The following SIK3 variants were observed in gnomAD, a reference collection of about 807,000 sequenced individuals.
The protein encoded by SIK3 is SIK family kinase 3, also known as serine/threonine-protein kinase SIK3.
SIK3 carries 28 observed loss-of-function variants against 144.2 expected under a neutral mutation model. The observed-to-expected ratio is 0.19, with a 90% confidence interval of 0.14 to 0.27. SIK3 has a LOEUF of 0.27. Ranked by LOEUF, SIK3 falls within the 10% of genes least tolerant of loss-of-function variation. The probability of loss-of-function intolerance (pLI) is 1.00; values close to 1 mark genes in which losing one functional copy is unlikely to be tolerated. For missense variants in SIK3, 1,319 were observed against 1,776.0 expected (o/e 0.74, Z 4.62); for synonymous variants, 686 against 676.3 (o/e 1.01, Z -0.22).
intron 13 of SIK3, among the ~76,000 whole-genome samples, chr11:116,870,698 G>A (rs1943923672): frequency 6.6e-6 from 1 of 152,120 alleles, no homozygotes; most frequent in Non-Finnish European, 1.5e-5. Flanking sequence ...CATAGACCTT[G>A]CCCTCATTTT....
intron 3 of SIK3, among the ~76,000 whole-genome samples, chr11:116,940,015 G>A (rs1434380934): frequency 1.3e-5 from 2 of 152,130 alleles, no homozygotes; most frequent in South Asian, 4.1e-4. Flanking sequence ...TTACATGATA[G>A]TAAGGAATTA....
chr11:116,960,477 C>T (rs1342847468), intron 1 of SIK3, among the ~76,000 whole-genome samples: 5 of 152,096 alleles, frequency 3.3e-5, no homozygotes, highest in African/African-American at 9.7e-5. Context: ...GCCGTGATCA[C>T]GCCACTGCAT....
intron 1 of SIK3, among the ~76,000 whole-genome samples, chr11:117,005,179 AC>A (rs993613386): frequency 6.6e-6 from 1 of 151,924 alleles, no homozygotes; most frequent in Non-Finnish European, 1.5e-5. Context: ...ATGGTGGCTC[AC>A]ACCTGTAATC....
chr11:116,886,868 C>T (rs1445810161), intron 6 of SIK3, among the ~76,000 whole-genome samples: 15 of 152,154 alleles, frequency 9.9e-5, no homozygotes, highest in Non-Finnish European at 2.2e-4. Flanking sequence ...CCAGGTTTCA[C>T]CTTCCACAAC....
At chr11:116,890,598 T>C (rs374930521) in intron 6 of SIK3, among the ~76,000 whole-genome samples, 1 of 152,168 alleles carries the variant, frequency 6.6e-6, no homozygotes, top group African/African-American at 2.4e-5. Context: ...AGACATACAA[T>C]GAAAGAAGTA....
intron 1 of SIK3, among the ~76,000 whole-genome samples, chr11:116,983,929 T>TA (rs1254184402): frequency 6.6e-6 from 1 of 151,624 alleles, no homozygotes; most frequent in Admixed American, 6.6e-5. Context: ...CACACGCCTG[T>TA]AGTCCCAGCT....
intron 1 of SIK3, among the ~76,000 whole-genome samples, chr11:117,045,760 G>A (rs1044769222): frequency 2.0e-5 from 3 of 152,072 alleles, no homozygotes; most frequent in South Asian, 2.1e-4. Context: ...ACTCTTCTCC[G>A]CATATTACAG....
chr11:116,872,317 C>G (rs1944010725), intron 13 of SIK3, among the ~76,000 whole-genome samples: 1 of 152,208 alleles, frequency 6.6e-6, no homozygotes, highest in Non-Finnish European at 1.5e-5. Flanking sequence ...GTAAGTCACC[C>G]CACGTCCCAT....
intron 1 of SIK3, among the ~76,000 whole-genome samples, chr11:116,999,574 A>G (rs1206461072): frequency 6.9e-6 from 1 of 145,358 alleles, no homozygotes; most frequent in East Asian, 2.0e-4. Flanking sequence ...TTTTTGTGGC[A>G]TTTTGTTTTC....
At chr11:116,883,181 T>C (rs1944633964) in intron 6 of SIK3, among the ~76,000 whole-genome samples, 1 of 152,218 alleles carries the variant, frequency 6.6e-6, no homozygotes, top group East Asian at 1.9e-4. Context: ...ATGGCTTTGA[T>C]AAGAGTCTAT....
intron 3 of SIK3, among the ~76,000 whole-genome samples, chr11:116,947,066 T>C (rs747816168): frequency 3.4e-4 from 45 of 130,532 alleles, no homozygotes; most frequent in Non-Finnish European, 6.3e-4. Flanking sequence ...GAGCCGAGAT[T>C]GCGCCACTGC....
At chr11:116,873,819 G>C in intron 12 of SIK3, 84 bp downstream of exon 12, 1 of 1,523,960 alleles carries the variant, frequency 6.6e-7, no homozygotes, top group Admixed American at 2.2e-5. Context: ...AAACCCTTAA[G>C]TCCTAGGGAA....
intron 1 of SIK3, among the ~76,000 whole-genome samples, chr11:117,071,652 C>T (rs1221976001): frequency 2.6e-5 from 4 of 152,160 alleles, no homozygotes; most frequent in Non-Finnish European, 5.9e-5. Flanking sequence ...GGGTCTCGCT[C>T]TGTCCTCCAG....
At chr11:116,972,507 C>A (rs1949798713) in intron 1 of SIK3, among the ~76,000 whole-genome samples, 1 of 152,126 alleles carries the variant, frequency 6.6e-6, no homozygotes, top group Admixed American at 6.5e-5. Flanking sequence ...CTCTACCTAC[C>A]TCCATTTAAC....
chr11:116,965,060 G>A (rs545692898), intron 1 of SIK3, among the ~76,000 whole-genome samples: 6 of 152,272 alleles, frequency 3.9e-5, no homozygotes, highest in Admixed American at 2.0e-4. Context: ...GGGAAAATAA[G>A]TTGGAAAATG....
In SIK3 at chr11:116,861,357, G is replaced by A; in HGVS notation, c.2342C>T (p.Pro781Leu). The change falls in exon 19 of 25, where the codon CCC (proline) becomes CTC (leucine). Residue 781 changes from proline to leucine, a missense_variant. By Grantham distance (98) the Pro-to-Leu change is moderately conservative. Coordinates refer to ENST00000445177, the MANE Select transcript of SIK3 (RefSeq NM_001366686.3). ...QRLRIQPSSP[P>L]PNHPNNHLFR... The stretch of plus-strand genomic sequence containing the variant: ...GAGATGGTTGTTGGGGTGGTTGGGG[G>A]GTGGGCTTGAAGGCTGAATCCTTAA... The A allele has an allele frequency of 6.3e-7, 1 of 1,595,810 alleles. No individual in the cohort carries two copies. Among genetic ancestry groups the A allele is most frequent in the Non-Finnish European group, 8.5e-7 (1 of 1,173,842 alleles).
intron 1 of SIK3, among the ~76,000 whole-genome samples, chr11:117,049,350 G>A (rs887614388): frequency 2.0e-5 from 3 of 152,024 alleles, no homozygotes; most frequent in Admixed American, 6.5e-5. Flanking sequence ...GGCCAAGGCC[G>A]GGAGATCACT....
intron 1 of SIK3, among the ~76,000 whole-genome samples, chr11:117,055,064 G>A (rs933313544): frequency 1.3e-5 from 2 of 152,156 alleles, no homozygotes; most frequent in Non-Finnish European, 2.9e-5. Context: ...TTTCATAAAT[G>A]GAGAAATGGA....
intron 1 of SIK3, among the ~76,000 whole-genome samples, chr11:117,027,437 CT>C (rs61413100): frequency 0.51 from 77,601 of 151,384 alleles, 21,853 homozygotes; most frequent in Non-Finnish European, 0.66. Flanking sequence ...CTTTTTTTTT[CT>C]TTTTTTTATA....
Sources: gnomAD v4.1 joint callset for allele counts (sites outside exome capture counted in the v4.1 genomes callset) on GRCh38, gnomAD v4.1.1 for gene constraint, MANE v1.5 for transcripts, NCBI Gene and HGNC (gene_info 2026-07-23, HGNC 2026-07-21) for gene names.